The following CAMK1D variants were observed in gnomAD, a reference collection of about 807,000 sequenced individuals.
The protein encoded by CAMK1D is calcium/calmodulin dependent protein kinase ID.
In CAMK1D, 9 loss-of-function variants were observed where a neutral mutation model predicts 47.7. The observed-to-expected ratio is 0.19, with a 90% CI of 0.11 to 0.33. The LOEUF (loss-of-function observed/expected upper bound fraction) is 0.33, where lower values mean the gene tolerates loss of function less well. Ranked by LOEUF, CAMK1D falls within the 10% of genes least tolerant of loss-of-function variation. The probability of loss-of-function intolerance (pLI) is 1.00; values close to 1 mark genes in which losing one functional copy is unlikely to be tolerated. For missense variants in CAMK1D, 291 were observed against 488.7 expected, an observed-to-expected ratio of 0.60 and a Z score of 3.81; for synonymous variants, 184 against 184.9, an observed-to-expected ratio of 0.99 and a Z score of 0.04.
chr10:12,576,885 C>G (rs1837505504), intron 2 of CAMK1D, among the ~76,000 whole-genome samples: 1 of 152,162 alleles, frequency 6.6e-6, no homozygotes, highest in Non-Finnish European at 1.5e-5. Context: ...GTGAGCACAC[C>G]TGCATGCCGT....
chr10:12,642,438 C>G (rs1839693339), intron 2 of CAMK1D, among the ~76,000 whole-genome samples: 1 of 152,176 alleles, frequency 6.6e-6, no homozygotes, highest in Admixed American at 6.5e-5. Flanking sequence ...AACCACACAC[C>G]AAGGCTGCTG....
At chr10:12,695,449 T>A (rs1833249385) in intron 3 of CAMK1D, among the ~76,000 whole-genome samples, 1 of 152,202 alleles carries the variant, frequency 6.6e-6, no homozygotes, top group African/African-American at 2.4e-5. Context: ...CAGCACTACC[T>A]ACTCCCAGCT....
intron 3 of CAMK1D, among the ~76,000 whole-genome samples, chr10:12,674,173 G>A (rs1253060668): frequency 6.6e-6 from 1 of 152,128 alleles, no homozygotes; most frequent in Non-Finnish European, 1.5e-5. Context: ...TCAAACCCCT[G>A]ACCTCAAGCA....
intron 1 of CAMK1D, among the ~76,000 whole-genome samples, chr10:12,467,089 G>A (rs1448588454): frequency 6.6e-6 from 1 of 152,084 alleles, no homozygotes; most frequent in East Asian, 1.9e-4. Flanking sequence ...CAGAAGGAAT[G>A]GGTAGATGCT....
chr10:12,384,851 A>G (rs373100162), intron 1 of CAMK1D, among the ~76,000 whole-genome samples: 18 of 152,360 alleles, frequency 1.2e-4, no homozygotes, highest in African/African-American at 4.3e-4. Context: ...GTGAAAAGAC[A>G]CCTCACAGAG....
In CAMK1D at chr10:12,758,476, A is replaced by G. The variant is rs1485974441; in HGVS notation, c.300-2472A>G. Among the ~76,000 whole-genome samples the G allele has an allele frequency of 2.0e-5, 3 of 152,192 alleles. No individual in the cohort carries two copies. In the South Asian group the frequency reaches 6.2e-4, roughly 31 times the overall value. ...AGATTCTTTCCAAGCAGTGTTCAGA[A>G]AAATAGAGCCCTGGTGCAGTTTGAA... On this transcript the variant is annotated intron_variant, in intron 3 of 10. Transcript: ENST00000619168.
chr10:12,563,666 A>AGT (rs1354698235), intron 2 of CAMK1D, among the ~76,000 whole-genome samples: 1 of 122,378 alleles, frequency 8.2e-6, no homozygotes, highest in Non-Finnish European at 1.7e-5. Context: ...GGAAGGTTTG[A>AGT]GAGAGAGAGA....
chr10:12,384,836 A>G (rs1326681675), intron 1 of CAMK1D, among the ~76,000 whole-genome samples: 1 of 152,234 alleles, frequency 6.6e-6, no homozygotes, highest in Non-Finnish European at 1.5e-5. Flanking sequence ...GATACCATCA[A>G]GACAGTGAAA....
chr10:12,494,009 T>C (rs1202287675), intron 1 of CAMK1D, among the ~76,000 whole-genome samples: 1 of 152,162 alleles, frequency 6.6e-6, no homozygotes, highest in South Asian at 2.1e-4. Context: ...AAGAAGATCA[T>C]AGGACATTTC....
chr10:12,647,538 A>AAT (rs1839845792), intron 2 of CAMK1D, among the ~76,000 whole-genome samples: 1 of 152,122 alleles, frequency 6.6e-6, no homozygotes, highest in South Asian at 2.1e-4. Context: ...AGTTGTTGTA[A>AAT]ATATATATAT....
chr10:12,713,162 C>T (rs947121753), intron 3 of CAMK1D, among the ~76,000 whole-genome samples: 2 of 152,088 alleles, frequency 1.3e-5, no homozygotes, highest in African/African-American at 4.8e-5. Context: ...CCTCTGCCTT[C>T]CAGGTTCAAG....
intron 3 of CAMK1D, among the ~76,000 whole-genome samples, chr10:12,721,467 G>A (rs1192389728): frequency 6.6e-6 from 1 of 152,138 alleles, no homozygotes; most frequent in Non-Finnish European, 1.5e-5. Flanking sequence ...GTATTAGATG[G>A]CTCCAAGCTT....
chr10:12,759,799 A>C (rs141925070), intron 3 of CAMK1D, among the ~76,000 whole-genome samples: 356 of 152,244 alleles, frequency 2.3e-3, no homozygotes, highest in African/African-American at 8.1e-3. Flanking sequence ...TTTTTAAAAG[A>C]AGGTTTCAGT....
At chr10:12,716,303 C>G (rs1834133359) in intron 3 of CAMK1D, among the ~76,000 whole-genome samples, 1 of 152,160 alleles carries the variant, frequency 6.6e-6, no homozygotes, top group African/African-American at 2.4e-5. Flanking sequence ...CTTCCACCCA[C>G]TAGATGCCAG....
At chr10:12,714,896 G>T (rs182515031) in intron 3 of CAMK1D, among the ~76,000 whole-genome samples, 1 of 149,976 alleles carries the variant, frequency 6.7e-6, no homozygotes, top group African/African-American at 2.5e-5. Context: ...ATGTTTACTC[G>T]CATAGAATGT....
intron 1 of CAMK1D, among the ~76,000 whole-genome samples, chr10:12,462,008 A>T (rs1377310541): frequency 6.6e-6 from 1 of 151,528 alleles, no homozygotes; most frequent in Non-Finnish European, 1.5e-5. Flanking sequence ...ATATACCAAG[A>T]CCCCTAACTC....
intron 1 of CAMK1D, among the ~76,000 whole-genome samples, chr10:12,413,177 G>A (rs1346082727): frequency 6.6e-6 from 1 of 152,168 alleles, no homozygotes; most frequent in Non-Finnish European, 1.5e-5. Flanking sequence ...AACCTCAGAA[G>A]CCTCAGAAGC....
At chr10:12,705,837 G>A (rs993025965) in intron 3 of CAMK1D, among the ~76,000 whole-genome samples, 4 of 152,220 alleles carry the variant, frequency 2.6e-5, no homozygotes, top group African/African-American at 9.6e-5. Flanking sequence ...GGACAAGAAT[G>A]CTTTTATTAA....
chr10:12,358,370 C>T (rs148306191), intron 1 of CAMK1D, among the ~76,000 whole-genome samples: 1 of 152,022 alleles, frequency 6.6e-6, no homozygotes, highest in Non-Finnish European at 1.5e-5. Flanking sequence ...CCCGTCTCTA[C>T]TAAAAACACC....
Sources: allele counts gnomAD v4.1 joint callset (sites outside exome capture counted in the v4.1 genomes callset), GRCh38; gene constraint gnomAD v4.1.1; transcripts MANE v1.5; gene names NCBI Gene and HGNC (gene_info 2026-07-23, HGNC 2026-07-21).